Variants in NR2C1 observed in about 807,000 individuals in gnomAD.
The protein encoded by NR2C1 is TR2 nuclear hormone receptor.
Under a neutral mutation model 74.8 loss-of-function variants are expected in NR2C1, and 33 were observed. That is an observed-to-expected ratio of 0.44 (90% confidence interval 0.33 to 0.59). NR2C1 has a LOEUF of 0.59. Among genes scored for constraint, NR2C1 ranks in the 20% least tolerant of loss-of-function variants. The pLI, the probability that NR2C1 is intolerant of heterozygous loss-of-function variation, is 0.02. For missense variants in NR2C1, 568 were observed against 715.6 expected (o/e 0.79, Z 2.35); for synonymous variants, 225 against 240.6 (o/e 0.94, Z 0.60).
chr12:95,067,237 C>T, intron 2 of NR2C1, 94 bp downstream of exon 2: 2 of 959,080 alleles, frequency 2.1e-6, no homozygotes, highest in Non-Finnish European at 3.4e-6. Context: ...TAGGGAATAT[C>T]TTTTATTTCT....
In NR2C1 at chr12:95,022,998, G is replaced by A. The variant is rs12306697; in HGVS notation, c.1638-595C>T. ...GATTATAAGCGTGAGCCATTGTGCCGGGCCAAGTTATACATTTAAGAATGG... is the reference window on the plus strand; with the variant it reads ...GATTATAAGCGTGAGCCATTGTGCCAGGCCAAGTTATACATTTAAGAATGG... On this transcript the variant is annotated intron_variant, in intron 13 of 13. Transcript: ENST00000333003. 9.6e-3 allele frequency among the ~76,000 whole-genome samples: 1,458 copies of A among 151,768 alleles called. 23 individuals carry two copies. The highest frequency in any genetic ancestry group is 0.032 in the African/African-American group (1,335 of 41,360).
chr12:95,040,396 C>A (rs1871375647), intron 10 of NR2C1, 80 bp downstream of exon 10: 2 of 1,374,052 alleles, frequency 1.5e-6, no homozygotes, highest in Middle Eastern at 1.9e-4. Context: ...TAATGCAAAT[C>A]TTCCCAAAAT....
At chr12:95,042,951 A>C (rs1433167852) in intron 9 of NR2C1, among the ~76,000 whole-genome samples, 10 of 150,472 alleles carry the variant, frequency 6.6e-5, no homozygotes, top group South Asian at 2.1e-4. Flanking sequence ...AAAAAAAAAA[A>C]CCGACACACA....
chr12:95,068,486 G>A (rs929364265), intron 1 of NR2C1, among the ~76,000 whole-genome samples: 2 of 151,870 alleles, frequency 1.3e-5, no homozygotes, highest in Non-Finnish European at 2.9e-5. Flanking sequence ...TTAAAATGCT[G>A]CCTAAAGACA....
chr12:95,049,125 G>A lies in NR2C1; in HGVS notation c.1074C>T (p.Ser358=), dbSNP rs1410336688. 6.2e-7 allele frequency: 1 copy of A among 1,613,798 alleles called. No homozygotes were observed. Among genetic ancestry groups the A allele is most frequent in the African/African-American group, 1.3e-5 (1 of 74,892 alleles). ...GSVHLITGDS[S]INYTEKEGPL... is the part of the protein sequence containing the mutation. ...GCCCCTCTTTTTCGGTGTAATTTAT[G>A]CTTGAATCTCCAGTGATTAGGTGTA... The change falls in exon 9 of 14, where the codon AGC becomes AGT. Residue 358 remains serine, a synonymous_variant. Transcript: ENST00000333003.
intron 2 of NR2C1, among the ~76,000 whole-genome samples, chr12:95,063,796 G>A (rs1875171202): frequency 6.6e-6 from 1 of 152,164 alleles, no homozygotes; most frequent in Non-Finnish European, 1.5e-5. Context: ...TTGGGAGGCT[G>A]AGGCAGGTGG....
intron 11 of NR2C1, chr12:95,030,502 A>G (rs573524406): frequency 8.3e-6 from 13 of 1,568,392 alleles, no homozygotes; most frequent in Non-Finnish European, 1.1e-5. Flanking sequence ...TCCTGAAGGT[A>G]GGCTTTATAA....
chr12:95,036,308 C>T (rs1458589273), intron 10 of NR2C1, among the ~76,000 whole-genome samples: 3 of 149,496 alleles, frequency 2.0e-5, no homozygotes, highest in Admixed American at 6.6e-5. Flanking sequence ...TATGATGGCT[C>T]ATGCCTGTAA....
chr12:95,028,160 T>G (rs1869601525), intron 12 of NR2C1: 3 of 404,816 alleles, frequency 7.4e-6, no homozygotes, highest in Non-Finnish European at 1.3e-5. Flanking sequence ...CTATGACTAT[T>G]TATATACACA....
chr12:95,031,268 A>G, intron 11 of NR2C1, 81 bp downstream of exon 11: 4 of 1,156,218 alleles, frequency 3.5e-6, no homozygotes, highest in South Asian at 2.3e-5. Flanking sequence ...TAATTATTAG[A>G]TATCTAACTT....
At chr12:95,040,268 C>T (rs1487192760) in intron 10 of NR2C1, among the ~76,000 whole-genome samples, 1 of 152,260 alleles carries the variant, frequency 6.6e-6, no homozygotes, top group South Asian at 2.1e-4. Flanking sequence ...TTAACTTAGT[C>T]AAACTACAAA....
At chr12:95,024,417 C>G (rs572380106) in intron 13 of NR2C1, among the ~76,000 whole-genome samples, 6 of 152,138 alleles carry the variant, frequency 3.9e-5, no homozygotes, top group Non-Finnish European at 8.8e-5. Flanking sequence ...GAATTCAAAT[C>G]CAGGTACTCT....
chr12:95,033,608 GT>G (rs1870431101), intron 10 of NR2C1, among the ~76,000 whole-genome samples: 1 of 151,790 alleles, frequency 6.6e-6, no homozygotes, highest in African/African-American at 2.4e-5. Context: ...TCGTAGCCTT[GT>G]TTTCCTGGCT....
intron 7 of NR2C1, among the ~76,000 whole-genome samples, chr12:95,055,959 A>C (rs1873788360): frequency 6.6e-6 from 1 of 150,826 alleles, no homozygotes; most frequent in Admixed American, 6.6e-5. Flanking sequence ...TCTCAAAAAA[A>C]AAAAAAAAAA....
At chr12:95,033,928 G>C (rs1220502117) in intron 10 of NR2C1, among the ~76,000 whole-genome samples, 1 of 152,176 alleles carries the variant, frequency 6.6e-6, no homozygotes, top group Non-Finnish European at 1.5e-5. Flanking sequence ...TTATAAATAA[G>C]ATGATGCAAC....
rs566242121 is a variant in NR2C1 at position 95,060,001 on chromosome 12, A to T, written c.286-17T>A. ...TGTTAGGAGCTAAAAAAAAAAAAAA[A>T]AAAAAAGAAAACAAAAACGAAAACC... On this transcript the variant is annotated splice_polypyrimidine_tract_variant and intron_variant, in intron 3 of 13. Coordinates refer to ENST00000333003, the MANE Select transcript of NR2C1 (RefSeq NM_003297.4). The T allele has an allele frequency of 2.6e-5, 40 of 1,548,086 alleles. No homozygotes were observed. The South Asian group carries it at 4.7e-4, about 18-fold the overall frequency.
At position 95,040,591 on chromosome 12, in the gene NR2C1, T is replaced by A. The variant is rs1871402956; in HGVS notation, c.1138A>T (p.Met380Leu). The change falls in exon 10 of 14, where the codon ATG becomes TTG. Residue 380 changes from methionine to leucine, a missense_variant. By Grantham distance (15) the Met-to-Leu change is conservative. Coordinates refer to ENST00000333003, the MANE Select transcript of NR2C1 (RefSeq NM_003297.4). ...AGGTACTCAGGCATAGGAGAAGGCA[T>A]GGTGAGCTAGTATGAACAGGGATTT... ...SDSHVAFRLT[M>L]PSPMPEYLNV... 1 of 1,610,672 alleles carries A rather than the reference T, an allele frequency of 6.2e-7. No homozygotes were observed.
chr12:95,040,054 T>C (rs1010710889), intron 10 of NR2C1, among the ~76,000 whole-genome samples: 2 of 152,122 alleles, frequency 1.3e-5, no homozygotes, highest in Admixed American at 6.6e-5. Flanking sequence ...CAATTATCTC[T>C]ACTTTTAACA....
chr12:95,062,831 C>A, intron 2 of NR2C1, 93 bp from the exon 3 acceptor site: 1 of 865,884 alleles, frequency 1.2e-6, no homozygotes, highest in East Asian at 2.6e-5. Context: ...CATATATATT[C>A]AATATAACAC....
Sources: gnomAD v4.1 joint callset for allele counts (sites outside exome capture counted in the v4.1 genomes callset) on GRCh38, gnomAD v4.1.1 for gene constraint, MANE v1.5 for transcripts, NCBI Gene and HGNC (gene_info 2026-07-23, HGNC 2026-07-21) for gene names.